The following UBE2L3 variants were observed in gnomAD, a reference collection of about 807,000 sequenced individuals.
UBE2L3 encodes ubiquitin-conjugating enzyme E2 L3.
UBE2L3 carries 1 observed loss-of-function variant against 17.8 expected under a neutral mutation model. The ratio of observed to expected loss-of-function variants is 0.06; its 90% CI spans 0.02 to 0.27. The LOEUF is 0.27. UBE2L3 is among the 10% of genes least tolerant of loss of function. UBE2L3 has a pLI of 1.00. For missense variants in UBE2L3, 40 were observed against 192.6 expected (o/e 0.21, Z 4.69); for synonymous variants, 44 against 68.5 (o/e 0.64, Z 1.76).
chr22:21,572,419 T>C (rs1176244165), intron 1 of UBE2L3, among the ~76,000 whole-genome samples: 2 of 40,854 alleles, frequency 4.9e-5, no homozygotes, highest in Non-Finnish European at 8.7e-5. Context: ...CGAGACTCCG[T>C]CTCAAAAAAA....
At chr22:21,616,869 G>A (rs951377777) in intron 3 of UBE2L3, among the ~76,000 whole-genome samples, 1 of 151,824 alleles carries the variant, frequency 6.6e-6, no homozygotes. Flanking sequence ...GAAAAGGAGG[G>A]GAAATCACAA....
At position 21,595,733 on chromosome 22, in the gene UBE2L3, C is replaced by T. The variant is rs1028043366; in HGVS notation, c.123+2777C>T. 5.9e-5 allele frequency among the ~76,000 whole-genome samples: 9 copies of T among 152,262 alleles called. No individual in the cohort carries two copies. In the South Asian group the frequency reaches 1.5e-3, roughly 25 times the overall value. On this transcript the variant is annotated intron_variant, in intron 2 of 3. Transcript: ENST00000342192. ...AAAATATTACCCATAATCACATCATCAAGAAATTCAGTTACATTTTGTGTA... is the reference window on the plus strand; with the variant it reads ...AAAATATTACCCATAATCACATCATTAAGAAATTCAGTTACATTTTGTGTA...
chr22:21,614,698 A>T, intron 3 of UBE2L3: 1 of 1,300,440 alleles, frequency 7.7e-7, no homozygotes, highest in Non-Finnish European at 1.0e-6. Flanking sequence ...TAATATGAAA[A>T]GATGCTCATA....
intron 1 of UBE2L3, among the ~76,000 whole-genome samples, chr22:21,588,925 G>C (rs1196515573): frequency 6.6e-6 from 1 of 151,928 alleles, no homozygotes; most frequent in East Asian, 1.9e-4. Context: ...GCCTCTTAAA[G>C]TGTTGGGATT....
At chr22:21,574,791 C>A (rs1927172019) in intron 1 of UBE2L3, among the ~76,000 whole-genome samples, 1 of 152,010 alleles carries the variant, frequency 6.6e-6, no homozygotes. Context: ...ATGGTGAAAA[C>A]CCATCTCTAC....
At chr22:21,594,078 C>G (rs1242171968) in intron 2 of UBE2L3, among the ~76,000 whole-genome samples, 7 of 152,246 alleles carry the variant, frequency 4.6e-5, no homozygotes, top group African/African-American at 1.7e-4. Flanking sequence ...AGCTCACACC[C>G]TTGTCCTGCG....
At chr22:21,616,751 C>G (rs1929799839) in intron 3 of UBE2L3, among the ~76,000 whole-genome samples, 2 of 151,600 alleles carry the variant, frequency 1.3e-5, no homozygotes, top group South Asian at 2.1e-4. Context: ...ACACCCCCCC[C>G]CTTTTTTTAA....
intron 2 of UBE2L3, among the ~76,000 whole-genome samples, chr22:21,601,553 G>T (rs1480814333): frequency 1.3e-5 from 2 of 151,798 alleles, no homozygotes; most frequent in Non-Finnish European, 2.9e-5. Flanking sequence ...GACTTCAAGT[G>T]ATCCACTCAC....
upstream of UBE2L3, among the ~76,000 whole-genome samples, chr22:21,567,362 A>G (rs1390566196): frequency 6.6e-6 from 1 of 152,084 alleles, no homozygotes; most frequent in African/African-American, 2.4e-5. Flanking sequence ...ACCGAGTTTC[A>G]CCACGTTGGC....
chr22:21,569,939 G>A (rs1230492898), intron 1 of UBE2L3, among the ~76,000 whole-genome samples: 1 of 152,162 alleles, frequency 6.6e-6, no homozygotes, highest in Non-Finnish European at 1.5e-5. Context: ...ATGTCCCTTT[G>A]CACGTGTTGT....
intron 3 of UBE2L3, among the ~76,000 whole-genome samples, chr22:21,612,700 G>C (rs548312081): frequency 1.2e-4 from 15 of 124,420 alleles, no homozygotes; most frequent in African/African-American, 4.4e-4. Context: ...CTGGAGTGCA[G>C]TGATGCCATC....
intron 1 of UBE2L3, among the ~76,000 whole-genome samples, chr22:21,588,311 C>G (rs1437150330): frequency 6.6e-6 from 1 of 152,084 alleles, no homozygotes; most frequent in Non-Finnish European, 1.5e-5. Context: ...AATTCCTTCC[C>G]TAATTCTTCA....
intron 2 of UBE2L3, among the ~76,000 whole-genome samples, chr22:21,608,099 G>A (rs913773177): frequency 2.0e-5 from 3 of 152,130 alleles, no homozygotes; most frequent in African/African-American, 7.2e-5. Flanking sequence ...AAATAACACC[G>A]TGCATCTCTT....
rs11537777 is a variant in UBE2L3 at position 21,622,643 on chromosome 22, A to G, written c.*974A>G. 2,434 of 153,486 alleles carry G rather than the reference A, an allele frequency of 0.016. 37 individuals carry two copies. The highest frequency in any genetic ancestry group is 0.024 in the Non-Finnish European group (1,660 of 68,522). 9.5% of individuals were successfully genotyped at this position (153,486 alleles called of 1,614,324 possible). On this transcript the variant is annotated 3_prime_UTR_variant, in exon 4 of 4. Transcript: ENST00000342192. ...AGCTTGCTCTCCACTTCCTCCGTGC[A>G]GTGGCCCTGCCACAGCCCTCCCTCG... is the stretch of plus-strand genomic sequence containing the variant.
Position 21,598,547 on chromosome 22 carries a change from T to TCC in UBE2L3, c.123+5591_123+5592insCC, listed in dbSNP as rs1386836283. Among the ~76,000 whole-genome samples, 25 of 150,880 alleles carry TCC rather than the reference T, an allele frequency of 1.7e-4. 1 individual carries two copies. The highest frequency in any genetic ancestry group is 5.1e-4 in the African/African-American group (21 of 41,280). Reference sequence around the variant, plus strand: ...CCTTCTCCCTTTCCCTTTCCTTTTTTTTTTTTTTTTTTAAATAAATAGAGA... The same window carrying TCC: ...CCTTCTCCCTTTCCCTTTCCTTTTTTCCTTTTTTTTTTTTAAATAAATAGAGA... On this transcript the variant is annotated intron_variant, in intron 2 of 3. Coordinates refer to ENST00000342192, the MANE Select transcript of UBE2L3 (RefSeq NM_003347.4).
rs117815945 is a variant in UBE2L3, at chr22:21,588,348, G to A, written c.28-4513G>A. On this transcript the variant is annotated intron_variant, in intron 1 of 3. Coordinates refer to ENST00000342192, the MANE Select transcript of UBE2L3 (RefSeq NM_003347.4). ...TGTCAGGACCATTCTCAGTTATCGG[G>A]GCACAGTTTTGCTTGAGGGTTTACA... 1.9e-3 allele frequency among the ~76,000 whole-genome samples: 294 copies of A among 152,144 alleles called. 18 individuals carry two copies. In the East Asian group the frequency reaches 0.055, roughly 28 times the overall value.
At chr22:21,599,982 C>T (rs1038855971) in intron 2 of UBE2L3, among the ~76,000 whole-genome samples, 1 of 152,146 alleles carries the variant, frequency 6.6e-6, no homozygotes, top group African/African-American at 2.4e-5. Context: ...AGTTTATGAA[C>T]ATTATGAAAT....
chr22:21,601,957 G>C (rs1928886066), intron 2 of UBE2L3, among the ~76,000 whole-genome samples: 1 of 134,152 alleles, frequency 7.5e-6, no homozygotes, highest in Non-Finnish European at 1.6e-5. Flanking sequence ...CAGCGACAGA[G>C]ACTCCATCTC....
At chr22:21,588,460 TTTC>T (rs1928069936) in intron 1 of UBE2L3, among the ~76,000 whole-genome samples, 1 of 144,188 alleles carries the variant, frequency 6.9e-6, no homozygotes, top group African/African-American at 2.7e-5. Context: ...ATTTTTCTTC[TTTC>T]TTTTTTTTTT....
Sources: allele counts gnomAD v4.1 joint callset (sites outside exome capture counted in the v4.1 genomes callset), GRCh38; gene constraint gnomAD v4.1.1; transcripts MANE v1.5; gene names NCBI Gene and HGNC (gene_info 2026-07-23, HGNC 2026-07-21).